The following ARHGEF3 variants were observed in gnomAD, a reference collection of about 807,000 sequenced individuals.
ARHGEF3 encodes 59.8 kDA protein.
ARHGEF3 carries 28 observed loss-of-function variants against 63.2 expected under a neutral mutation model. The ratio of observed to expected loss-of-function variants is 0.44; its 90% CI spans 0.33 to 0.61. The LOEUF is 0.61. Ranked by LOEUF, ARHGEF3 falls within the 20% of genes least tolerant of loss-of-function variation. The pLI is 0.03. For synonymous variants in ARHGEF3, 266 were observed against 254.2 expected, an observed-to-expected ratio of 1.05 and a Z score of -0.44; for missense variants, 533 against 659.3, an observed-to-expected ratio of 0.81 and a Z score of 2.10.
chr3:56,732,110 G>A (rs41276473), intron 9 of ARHGEF3, 128 bp downstream of exon 9: 87,172 of 1,128,396 alleles, frequency 0.077, 3,589 homozygotes, highest in East Asian at 0.11. Flanking sequence ...ATCAGGAAGT[G>A]ATGAAATAGC....
intron 3 of ARHGEF3, among the ~76,000 whole-genome samples, chr3:56,920,227 TA>T (rs2042089901): frequency 6.6e-6 from 1 of 152,180 alleles, no homozygotes; most frequent in East Asian, 1.9e-4. Context: ...GGAAACTACC[TA>T]TAGGGTGCCT....
At chr3:56,928,805 C>A (rs994783139) in intron 3 of ARHGEF3, among the ~76,000 whole-genome samples, 15 of 152,272 alleles carry the variant, frequency 9.9e-5, no homozygotes, top group African/African-American at 3.4e-4. Context: ...AATTCCTCTG[C>A]TGCAGAACAA....
chr3:56,944,592 T>TTTTTTTTTAG, intron 3 of ARHGEF3, among the ~76,000 whole-genome samples: 1 of 122,908 alleles, frequency 8.1e-6, no homozygotes, highest in Non-Finnish European at 1.7e-5. Flanking sequence ...TTTTTTTTTT[T>TTTTTTTTTAG]GTGAGACAAA....
chr3:56,867,485 T>G (rs2040292530), intron 4 of ARHGEF3, among the ~76,000 whole-genome samples: 1 of 151,416 alleles, frequency 6.6e-6, no homozygotes, highest in Non-Finnish European at 1.5e-5. Flanking sequence ...ATTTATTTAT[T>G]TTTTTGAGAC....
At chr3:57,056,764 TA>T (rs1704956454) in intron 1 of ARHGEF3, among the ~76,000 whole-genome samples, 1 of 152,122 alleles carries the variant, frequency 6.6e-6, no homozygotes, top group African/African-American at 2.4e-5. Context: ...CGGTCTCTGT[TA>T]TCTTGAACAT....
At chr3:56,915,309 T>A (rs950709846) in intron 3 of ARHGEF3, among the ~76,000 whole-genome samples, 1 of 146,964 alleles carries the variant, frequency 6.8e-6, no homozygotes, top group African/African-American at 2.5e-5. Context: ...CAAAAAAAAA[T>A]GAAATAATTA....
intron 4 of ARHGEF3, among the ~76,000 whole-genome samples, chr3:56,867,616 G>T (rs1051535992): frequency 6.6e-6 from 1 of 152,018 alleles, no homozygotes; most frequent in African/African-American, 2.4e-5. Flanking sequence ...AGGACCACAG[G>T]CACACCACCA....
At chr3:56,919,226 A>G (rs2042063044) in intron 3 of ARHGEF3, among the ~76,000 whole-genome samples, 1 of 152,178 alleles carries the variant, frequency 6.6e-6, no homozygotes, top group South Asian at 2.1e-4. Context: ...CAATTTGTAA[A>G]TGCTGGCAAC....
intron 3 of ARHGEF3, among the ~76,000 whole-genome samples, chr3:56,888,110 T>G (rs988008532): frequency 6.6e-6 from 1 of 152,076 alleles, no homozygotes; most frequent in African/African-American, 2.4e-5. Flanking sequence ...GAGCTTTTTT[T>G]TTTTTTTTTC....
chr3:56,729,956 T>C (rs1401846366), intron 9 of ARHGEF3, among the ~76,000 whole-genome samples: 1 of 152,180 alleles, frequency 6.6e-6, no homozygotes, highest in Non-Finnish European at 1.5e-5. Context: ...GGGTGAGAGC[T>C]TGTTAAAAAG....
chr3:56,745,217 G>A lies in ARHGEF3; in HGVS notation c.858C>T (p.His286=). The change falls in exon 7 of 10, where the codon CAC becomes CAT. Residue 286 remains histidine, a synonymous_variant. Coordinates refer to ENST00000296315, the MANE Select transcript of ARHGEF3 (RefSeq NM_019555.3). The part of the protein sequence containing the change: ...HTPNDNPDQQ[H]LEEAINIIQG... Reference sequence around the variant, plus strand: ...CAGACAAACTTACAGCTTCTTCCAAGTGCTGCTGATCTGGATTATCATTTG... The same window carrying A: ...CAGACAAACTTACAGCTTCTTCCAAATGCTGCTGATCTGGATTATCATTTG... 6.2e-7 allele frequency: 1 copy of A among 1,612,690 alleles called. No homozygotes were observed. Among genetic ancestry groups the A allele is most frequent in the Non-Finnish European group, 8.5e-7 (1 of 1,179,050 alleles).
At chr3:56,737,576 C>T (rs563571926) in intron 7 of ARHGEF3, among the ~76,000 whole-genome samples, 1 of 151,448 alleles carries the variant, frequency 6.6e-6, no homozygotes, top group African/African-American at 2.4e-5. Context: ...TATTTGTATA[C>T]TTATAAAGAT....
At chr3:57,012,920 T>G (rs971555164) in intron 2 of ARHGEF3, among the ~76,000 whole-genome samples, 1 of 152,204 alleles carries the variant, frequency 6.6e-6, no homozygotes, top group African/African-American at 2.4e-5. Context: ...GCGCACGGGC[T>G]CGCAGGCCAG....
intron 2 of ARHGEF3, among the ~76,000 whole-genome samples, chr3:56,963,422 T>C (rs915946368): frequency 1.9e-4 from 29 of 152,178 alleles, no homozygotes; most frequent in African/African-American, 6.5e-4. Flanking sequence ...TTCAATGTGT[T>C]ATGAATATTT....
chr3:57,021,751 CAA>C (rs11328299), intron 2 of ARHGEF3, among the ~76,000 whole-genome samples: 35 of 108,510 alleles, frequency 3.2e-4, no homozygotes, highest in South Asian at 5.8e-4. Flanking sequence ...GACGCCATCT[CAA>C]AAAAAAAAAA....
At chr3:56,957,860 G>T (rs748765037) in intron 3 of ARHGEF3, among the ~76,000 whole-genome samples, 1 of 152,150 alleles carries the variant, frequency 6.6e-6, no homozygotes, top group Non-Finnish European at 1.5e-5. Flanking sequence ...TGCAAGTTTT[G>T]CTCCTGAGAT....
At chr3:56,971,870 T>C (rs187602878) in intron 2 of ARHGEF3, among the ~76,000 whole-genome samples, 2 of 151,354 alleles carry the variant, frequency 1.3e-5, no homozygotes, top group Non-Finnish European at 2.9e-5. Flanking sequence ...TAAAAAAAAA[T>C]TTTAAAAAGC....
intron 4 of ARHGEF3, among the ~76,000 whole-genome samples, chr3:56,861,265 T>G (rs960599859): frequency 7.9e-5 from 12 of 152,084 alleles, no homozygotes; most frequent in Non-Finnish European, 2.9e-5. Context: ...GGCCATCAAC[T>G]TCAGACTGGG....
At chr3:56,798,552 T>C (rs1469872857) in intron 1 of ARHGEF3, among the ~76,000 whole-genome samples, 1 of 126,594 alleles carries the variant, frequency 7.9e-6, no homozygotes, top group African/African-American at 2.6e-5. Context: ...TTTTTTTTTT[T>C]TTTTTTAAGC....
Sources: gnomAD v4.1 joint callset for allele counts (sites outside exome capture counted in the v4.1 genomes callset) on GRCh38, gnomAD v4.1.1 for gene constraint, MANE v1.5 for transcripts, NCBI Gene and HGNC (gene_info 2026-07-23, HGNC 2026-07-21) for gene names.